The following YIPF6 variants were observed in gnomAD, a reference collection of about 807,000 sequenced individuals.
YIPF6 encodes the protein protein YIPF6.
A neutral mutation model predicts 16.8 loss-of-function variants in YIPF6; 3 were observed. The ratio of observed to expected loss-of-function variants is 0.18; its 90% CI spans 0.08 to 0.46. The LOEUF (loss-of-function observed/expected upper bound fraction) is 0.46. Ranked by LOEUF, YIPF6 falls within the 20% of genes least tolerant of loss-of-function variation. YIPF6 has a pLI of 0.98. For synonymous variants in YIPF6, 67 were observed against 61.9 expected (o/e 1.08, Z -0.38); for missense variants, 145 against 184.9 (o/e 0.78, Z 1.25).
rs2079191720 is a variant in YIPF6, at chrX:68,536,422, A to C, written c.*4423A>C. 8.9e-6 allele frequency: 1 copy of C among 112,020 alleles called. No homozygotes were observed. The highest frequency in any genetic ancestry group is 1.9e-5 in the Non-Finnish European group (1 of 53,215). 9.2% of individuals were successfully genotyped at this position (112,020 alleles called of 1,213,427 possible). On this transcript the variant is annotated 3_prime_UTR_variant, in exon 7 of 7. Transcript: ENST00000462683. ...CGGTCACACAGTAATTTGATTTACA[A>C]CAGTAATAACACATTAGATGAGAAC...
At chrX:68,531,112 T>G (rs1333581250) in intron 6 of YIPF6, among the ~76,000 whole-genome samples, 1 of 108,397 alleles carries the variant, frequency 9.2e-6, no homozygotes, top group Non-Finnish European at 1.9e-5. Flanking sequence ...AATGATTCTT[T>G]TTTGTTTGTT....
Position 68,522,753 on chromosome X carries a change from T to A in YIPF6, c.435-7T>A. The A allele has an allele frequency of 8.4e-7, 1 of 1,192,588 alleles. No individual in the cohort carries two copies. The highest frequency in any genetic ancestry group is 1.1e-6 in the Non-Finnish European group (1 of 888,436). On this transcript the variant is annotated splice_region_variant and splice_polypyrimidine_tract_variant and intron_variant, in intron 5 of 6. Coordinates refer to ENST00000462683, the MANE Select transcript of YIPF6 (RefSeq NM_173834.4). ...TATGATCTTTATTAATGTATTTTGT[T>A]TTTAAGATCTTTTTTTCAGAGCCTC...
chrX:68,506,196 A>G (rs756308533), intron 1 of YIPF6, among the ~76,000 whole-genome samples: 25 of 110,554 alleles, frequency 2.3e-4, no homozygotes, highest in Non-Finnish European at 4.5e-4. Context: ...AACAAAACTA[A>G]TAATAACTGC....
intron 6 of YIPF6, among the ~76,000 whole-genome samples, chrX:68,530,130 G>A (rs1278696494): frequency 8.9e-6 from 1 of 111,865 alleles, no homozygotes; most frequent in East Asian, 2.8e-4. Flanking sequence ...GCCCCTGACT[G>A]GGGCTGCTGA....
chrX:68,511,722 C>A, intron 1 of YIPF6, 127 bp from the exon 2 acceptor site: 1 of 713,225 alleles, frequency 1.4e-6, no homozygotes, highest in Non-Finnish European at 2.0e-6. Flanking sequence ...GTCTGTTGAG[C>A]TAACACCTAC....
Position 68,518,751 on chromosome X carries a change from GTCTTT to G in YIPF6, c.266-14_266-10del, listed in dbSNP as rs957833433. On this transcript the variant is annotated splice_polypyrimidine_tract_variant and intron_variant, in intron 3 of 6. Coordinates refer to ENST00000462683, the MANE Select transcript of YIPF6 (RefSeq NM_173834.4). ...GACAGAAAATATTACCTTCGCTTCTGTCTTTTCTTGTCTTGTAGGGGATTTGTGGG... is the reference window on the plus strand; with the variant it reads ...GACAGAAAATATTACCTTCGCTTCTGTCTTGTCTTGTAGGGGATTTGTGGG... The G allele has an allele frequency of 3.4e-6, 4 of 1,172,120 alleles. No homozygotes were observed. The highest frequency in any genetic ancestry group is 4.5e-6 in the Non-Finnish European group (4 of 880,346).
At chrX:68,522,677 C>A in intron 5 of YIPF6, 83 bp from the exon 6 acceptor site, 2 of 934,148 alleles carry the variant, frequency 2.1e-6, no homozygotes, top group African/African-American at 2.0e-5. Flanking sequence ...CATTCCGTTA[C>A]ATAGAGAAAT....
intron 1 of YIPF6, among the ~76,000 whole-genome samples, chrX:68,509,057 A>G (rs2147819046): frequency 9.4e-6 from 1 of 106,811 alleles, no homozygotes; most frequent in African/African-American, 3.4e-5. Flanking sequence ...CTCTGTTGTT[A>G]CCTTGAGTTT....
intron 6 of YIPF6, 79 bp downstream of exon 6, chrX:68,522,996 T>C: frequency 1.8e-6 from 2 of 1,127,261 alleles, no homozygotes; most frequent in Non-Finnish European, 1.2e-6. Flanking sequence ...AGGAGCAGTA[T>C]AAGTCCAAAG....
At chrX:68,509,475 C>G (rs1180369254) in intron 1 of YIPF6, among the ~76,000 whole-genome samples, 1 of 111,542 alleles carries the variant, frequency 9.0e-6, no homozygotes, top group Non-Finnish European at 1.9e-5. Flanking sequence ...GCCCTTGCAT[C>G]TCATGGTGAG....
chrX:68,518,867 G>A (rs2079114591), intron 4 of YIPF6, 55 bp downstream of exon 4: 2 of 1,075,988 alleles, frequency 1.9e-6, no homozygotes, highest in Non-Finnish European at 2.5e-6. Flanking sequence ...ACTTTTTTGT[G>A]GATTTCCAAA....
chrX:68,519,391 C>T (rs1171546658), intron 4 of YIPF6, among the ~76,000 whole-genome samples: 1 of 111,930 alleles, frequency 8.9e-6, no homozygotes, highest in Non-Finnish European at 1.9e-5. Context: ...AGCTATGTGA[C>T]TTTGGGCTAC....
At chrX:68,505,626 G>A (rs1900809511) in intron 1 of YIPF6, among the ~76,000 whole-genome samples, 2 of 111,861 alleles carry the variant, frequency 1.8e-5, no homozygotes, top group African/African-American at 6.5e-5. Flanking sequence ...TTGAGAGAAT[G>A]GCAGAAACAA....
chrX:68,500,910 G>A (rs2079038875), intron 1 of YIPF6, among the ~76,000 whole-genome samples: 1 of 111,815 alleles, frequency 8.9e-6, no homozygotes, highest in Admixed American at 9.6e-5. Context: ...GAATTAGTGA[G>A]AGTACTAAAT....
Position 68,513,401 on chromosome X carries a change from A to T in YIPF6, c.261A>T (p.Arg87Ser). Residue 87 changes from arginine (R) to serine (S), a missense_variant, in exon 3 of 7, where the codon AGA (arginine) becomes AGT (serine). Arg to Ser is a moderately radical substitution (Grantham distance 110). Coordinates refer to ENST00000462683, the MANE Select transcript of YIPF6 (RefSeq NM_173834.4). Reference sequence around the variant, plus strand: ...CAAGGAAAAGTAATACTCTTTTGAGAGATTGTAAGTATATGAGGTTTTTAA... The same window carrying T: ...CAAGGAAAAGTAATACTCTTTTGAGTGATTGTAAGTATATGAGGTTTTTAA... ...LYPRKSNTLL[R>S]DWDLWGPLIL... 8.4e-7 allele frequency: 1 copy of T among 1,194,272 alleles called. No homozygotes were observed. Among genetic ancestry groups the T allele is most frequent in the Non-Finnish European group, 1.1e-6 (1 of 884,798 alleles).
At chrX:68,526,499 C>T (rs1205003450) in intron 6 of YIPF6, among the ~76,000 whole-genome samples, 4 of 111,148 alleles carry the variant, frequency 3.6e-5, no homozygotes, top group African/African-American at 1.3e-4. Context: ...ATTTCCCTGG[C>T]CAGACTTTAT....
At chrX:68,506,577 A>G (rs1435064222) in intron 1 of YIPF6, among the ~76,000 whole-genome samples, 1 of 110,459 alleles carries the variant, frequency 9.1e-6, no homozygotes, top group Non-Finnish European at 1.9e-5. Context: ...GCACATGCTT[A>G]CAGTCCCAGC....
chrX:68,513,551 C>A (rs1419501040), intron 3 of YIPF6, 146 bp downstream of exon 3: 4 of 333,574 alleles, frequency 1.2e-5, no homozygotes, highest in East Asian at 4.9e-5. Context: ...GTAAATCAAA[C>A]TTCTGGCAGA....
intron 1 of YIPF6, 81 bp from the exon 2 acceptor site, chrX:68,511,768 A>G: frequency 9.1e-7 from 1 of 1,093,787 alleles, no homozygotes; most frequent in South Asian, 2.4e-5. Context: ...ACATGGTCCC[A>G]ACTCTCTAGG....
Sources: allele counts gnomAD v4.1 joint callset (sites outside exome capture counted in the v4.1 genomes callset), GRCh38; gene constraint gnomAD v4.1.1; transcripts MANE v1.5; gene names NCBI Gene and HGNC (gene_info 2026-07-23, HGNC 2026-07-21).